The following ROBO1 variants were observed in gnomAD, a reference collection of about 807,000 sequenced individuals.
ROBO1 encodes the protein roundabout homolog 1.
In ROBO1, 149 loss-of-function variants were observed where a neutral mutation model predicts 195.9. That is an observed-to-expected ratio of 0.76 (90% confidence interval 0.67 to 0.87). The LOEUF (loss-of-function observed/expected upper bound fraction) is 0.87, where lower values mean the gene tolerates loss of function less well. Ranked by LOEUF, ROBO1 falls within the 40% of genes least tolerant of loss-of-function variation. The probability of loss-of-function intolerance (pLI) is 0.00; values close to 1 mark genes in which losing one functional copy is unlikely to be tolerated. For synonymous variants in ROBO1, 816 were observed against 733.2 expected (o/e 1.11, Z -1.82); for missense variants, 1,933 against 2,068.3 (o/e 0.93, Z 1.27).
intron 5 of ROBO1, among the ~76,000 whole-genome samples, chr3:78,728,003 A>G (rs2082204303): frequency 6.6e-6 from 1 of 152,186 alleles, no homozygotes. Flanking sequence ...CAAAGCAAAT[A>G]TTTTATTTTA....
chr3:79,247,127 C>CTTTTTTTTTTTTT (rs1484743424), intron 2 of ROBO1, among the ~76,000 whole-genome samples: 3 of 127,750 alleles, frequency 2.3e-5, no homozygotes, highest in Admixed American at 1.5e-4. Context: ...CTCCTGTTTA[C>CTTTTTTTTTTTTT]TGTTTTTTTT....
intron 4 of ROBO1, among the ~76,000 whole-genome samples, chr3:78,832,456 G>C (rs1430228930): frequency 1.3e-5 from 2 of 152,054 alleles, no homozygotes; most frequent in Admixed American, 1.3e-4. Context: ...TCAGAAGAGG[G>C]GTAACGTCAT....
intron 1 of ROBO1, among the ~76,000 whole-genome samples, chr3:79,615,502 C>T (rs1944791948): frequency 6.6e-6 from 1 of 152,108 alleles, no homozygotes; most frequent in Non-Finnish European, 1.5e-5. Flanking sequence ...CGTACTTAGC[C>T]TTGGCAACAT....
At chr3:79,079,581 A>C (rs2079234351) in intron 3 of ROBO1, among the ~76,000 whole-genome samples, 1 of 151,796 alleles carries the variant, frequency 6.6e-6, no homozygotes, top group African/African-American at 2.4e-5. Context: ...AATTTCCTGT[A>C]GGAATTGCAT....
chr3:79,073,804 A>G (rs2079127298), intron 3 of ROBO1, among the ~76,000 whole-genome samples: 1 of 150,336 alleles, frequency 6.7e-6, no homozygotes, highest in Non-Finnish European at 1.5e-5. Flanking sequence ...TGGCAGAGAT[A>G]CAGTGAATGT....
At chr3:78,905,637 G>A (rs1394120948) in intron 4 of ROBO1, among the ~76,000 whole-genome samples, 2 of 151,946 alleles carry the variant, frequency 1.3e-5, no homozygotes, top group Non-Finnish European at 2.9e-5. Context: ...AAACTCTACT[G>A]TTGATATCAA....
intron 3 of ROBO1, among the ~76,000 whole-genome samples, chr3:78,959,165 T>G (rs971412939): frequency 6.6e-6 from 1 of 152,024 alleles, no homozygotes; most frequent in East Asian, 1.9e-4. Context: ...TCAAAAAAAA[T>G]TAATCATAGT....
intron 3 of ROBO1, among the ~76,000 whole-genome samples, chr3:79,104,483 T>C (rs2108516962): frequency 6.6e-6 from 1 of 151,926 alleles, no homozygotes; most frequent in Middle Eastern, 3.4e-3. Flanking sequence ...CTGTATAGAT[T>C]GTCTCTGTTC....
chr3:79,629,572 A>C (rs566430131), intron 1 of ROBO1, among the ~76,000 whole-genome samples: 79 of 152,208 alleles, frequency 5.2e-4, no homozygotes, highest in African/African-American at 1.9e-3. Flanking sequence ...CCAATGTCAC[A>C]ACCCAAGGTA....
chr3:78,693,765 A>G (rs188350664), intron 8 of ROBO1, among the ~76,000 whole-genome samples: 139 of 152,316 alleles, frequency 9.1e-4, no homozygotes, highest in African/African-American at 3.2e-3. Flanking sequence ...TTTTAGAAAA[A>G]AGAACATTAA....
At chr3:78,718,024 C>A in intron 5 of ROBO1, 141 bp from the exon 6 acceptor site, 3 of 790,986 alleles carry the variant, frequency 3.8e-6, no homozygotes, top group East Asian at 5.5e-5. Flanking sequence ...GTAGTATTTG[C>A]TATTTTTAGG....
chr3:79,438,773 AC>A (rs1317443586), intron 2 of ROBO1, among the ~76,000 whole-genome samples: 1 of 152,078 alleles, frequency 6.6e-6, no homozygotes, highest in African/African-American at 2.4e-5. Context: ...GTGGCCATAA[AC>A]ATTTTAAACC....
At chr3:79,498,105 A>G (rs1042186454) in intron 2 of ROBO1, among the ~76,000 whole-genome samples, 1 of 152,228 alleles carries the variant, frequency 6.6e-6, no homozygotes, top group African/African-American at 2.4e-5. Flanking sequence ...CGATAATTTG[A>G]AAAGCTTTTA....
chr3:79,755,380 A>G (rs533282941), intron 1 of ROBO1, among the ~76,000 whole-genome samples: 1 of 152,286 alleles, frequency 6.6e-6, no homozygotes, highest in African/African-American at 2.4e-5. Flanking sequence ...GCAAAAGAGT[A>G]CAACCAAGTT....
At chr3:78,829,014 A>T (rs1213918281) in intron 4 of ROBO1, among the ~76,000 whole-genome samples, 1 of 152,226 alleles carries the variant, frequency 6.6e-6, no homozygotes, top group Non-Finnish European at 1.5e-5. Context: ...TAGATTACAG[A>T]GCACCGTTAG....
intron 4 of ROBO1, among the ~76,000 whole-genome samples, chr3:78,755,930 T>G (rs1296911763): frequency 6.6e-6 from 1 of 152,202 alleles, no homozygotes; most frequent in African/African-American, 2.4e-5. Context: ...GCTACCATAT[T>G]TCAAATCTTA....
intron 4 of ROBO1, among the ~76,000 whole-genome samples, chr3:78,783,131 T>A (rs556002151): frequency 6.6e-6 from 1 of 152,302 alleles, no homozygotes; most frequent in African/African-American, 2.4e-5. Context: ...AGTGTAATTT[T>A]GTTATGTGGA....
chr3:79,160,667 T>G (rs990237349), intron 2 of ROBO1, among the ~76,000 whole-genome samples: 3 of 152,078 alleles, frequency 2.0e-5, no homozygotes, highest in African/African-American at 7.2e-5. Context: ...GTCATTCAAC[T>G]AGTTGTCCAA....
chr3:79,492,779 A>C (rs1361465026), intron 2 of ROBO1, among the ~76,000 whole-genome samples: 3 of 152,080 alleles, frequency 2.0e-5, no homozygotes, highest in Non-Finnish European at 4.4e-5. Context: ...ACAACTTACA[A>C]ATTTTCTAAT....
Sources: allele counts gnomAD v4.1 joint callset (sites outside exome capture counted in the v4.1 genomes callset), GRCh38; gene constraint gnomAD v4.1.1; transcripts MANE v1.5; gene names NCBI Gene and HGNC (gene_info 2026-07-23, HGNC 2026-07-21).